Variants in LINGO2 observed in about 807,000 individuals in gnomAD.
LINGO2 encodes the protein leucine rich repeat and Ig domain containing 2.
A neutral mutation model predicts 30.6 loss-of-function variants in LINGO2; 14 were observed. The ratio of observed to expected loss-of-function variants is 0.46; its 90% CI spans 0.30 to 0.72. The LOEUF is 0.72. Ranked by LOEUF, LINGO2 falls within the 30% of genes least tolerant of loss-of-function variation. The pLI is 0.07. For synonymous variants in LINGO2, 317 were observed against 288.5 expected (o/e 1.10, Z -1.00); for missense variants, 729 against 751.7 (o/e 0.97, Z 0.35).
At chr9:28,224,128 C>A (rs1233191492) in intron 4 of LINGO2, among the ~76,000 whole-genome samples, 3 of 152,054 alleles carry the variant, frequency 2.0e-5, no homozygotes, top group African/African-American at 7.2e-5. Context: ...GCAGTGGTGC[C>A]ATCTCGGCTC....
At chr9:28,012,263 G>A (rs1822594433) in intron 5 of LINGO2, 2 of 152,152 alleles carry the variant, frequency 1.3e-5, no homozygotes, top group Admixed American at 1.3e-4. Context: ...CACATGGGGA[G>A]GATGTGAAGG....
chr9:28,955,511 G>A, the LINGO2 span, among the ~76,000 whole-genome samples: 1 of 152,100 alleles, frequency 6.6e-6, no homozygotes, highest in Non-Finnish European at 1.5e-5. Context: ...TGCAGTGGAA[G>A]AAGATAGACC....
chr9:29,146,383 A>C, the LINGO2 span, among the ~76,000 whole-genome samples: 2 of 151,800 alleles, frequency 1.3e-5, no homozygotes, highest in Non-Finnish European at 2.9e-5. Flanking sequence ...ACAAAAAAAA[A>C]CCAGCTAAGA....
intron 1 of LINGO2, among the ~76,000 whole-genome samples, chr9:28,569,026 T>C (rs1033577649): frequency 6.8e-6 from 1 of 147,166 alleles, no homozygotes; most frequent in African/African-American, 2.7e-5. Flanking sequence ...GCAACAAGTG[T>C]ATGAAAACAT....
chr9:28,737,381 T>C, the LINGO2 span, among the ~76,000 whole-genome samples: 1 of 152,316 alleles, frequency 6.6e-6, no homozygotes, highest in Admixed American at 6.5e-5. Context: ...CTTACTCAGA[T>C]TGCAGAAACA....
intron 3 of LINGO2, among the ~76,000 whole-genome samples, chr9:28,360,341 G>C (rs1264835793): frequency 1.3e-5 from 2 of 152,138 alleles, no homozygotes; most frequent in African/African-American, 4.8e-5. Context: ...TTGGGGATTA[G>C]AAGAGCATCT....
At chr9:29,032,759 A>G in the LINGO2 span, among the ~76,000 whole-genome samples, 4 of 152,306 alleles carry the variant, frequency 2.6e-5, no homozygotes, top group East Asian at 7.7e-4. Flanking sequence ...CAATTGTAAT[A>G]AAATAAAATA....
At chr9:28,769,273 C>A in the LINGO2 span, among the ~76,000 whole-genome samples, 100 of 150,854 alleles carry the variant, frequency 6.6e-4, 1 homozygote, top group East Asian at 6.4e-3. Flanking sequence ...AGGTATTCTG[C>A]ATATATAAAA....
the LINGO2 span, among the ~76,000 whole-genome samples, chr9:28,792,058 T>A: frequency 6.6e-6 from 1 of 150,910 alleles, no homozygotes; most frequent in Non-Finnish European, 1.5e-5. Context: ...AGTATATATA[T>A]ATATGTATGT....
intron 4 of LINGO2, among the ~76,000 whole-genome samples, chr9:28,074,541 A>G (rs764651451): frequency 1.3e-5 from 2 of 152,158 alleles, no homozygotes; most frequent in African/African-American, 4.8e-5. Flanking sequence ...GTTCCTCATT[A>G]GTGGAGAGGG....
At chr9:28,948,593 T>C in the LINGO2 span, among the ~76,000 whole-genome samples, 1 of 152,094 alleles carries the variant, frequency 6.6e-6, no homozygotes, top group Non-Finnish European at 1.5e-5. Flanking sequence ...CAAGAAATTA[T>C]ACTACAATCA....
chr9:28,464,622 G>A (rs1301212859), intron 2 of LINGO2, among the ~76,000 whole-genome samples: 1 of 152,152 alleles, frequency 6.6e-6, no homozygotes, highest in African/African-American at 2.4e-5. Flanking sequence ...AAATGAATAG[G>A]TCATAACTTC....
chr9:28,345,179 C>T (rs1300760117), intron 3 of LINGO2, among the ~76,000 whole-genome samples: 2 of 151,942 alleles, frequency 1.3e-5, no homozygotes, highest in Admixed American at 6.6e-5. Context: ...TTTGAGAAAC[C>T]ATGTAGCACC....
the LINGO2 span, among the ~76,000 whole-genome samples, chr9:28,770,236 A>T: frequency 1.3e-5 from 2 of 152,126 alleles, no homozygotes. Flanking sequence ...CACTTGTATC[A>T]GTTTGTGATT....
intron 2 of LINGO2, among the ~76,000 whole-genome samples, chr9:28,434,138 G>A (rs1823815607): frequency 6.6e-6 from 1 of 151,478 alleles, no homozygotes; most frequent in Non-Finnish European, 1.5e-5. Flanking sequence ...TTACAAGTGG[G>A]AGCTAAGCTA....
chr9:28,714,164 A>AATCTATATATATATATATATAT, the LINGO2 span, among the ~76,000 whole-genome samples: 64 of 117,158 alleles, frequency 5.5e-4, 2 homozygotes, highest in African/African-American at 1.7e-3. Context: ...TGCCTCAAAT[A>AATCTATATATATATATATATAT]ATATATATAT....
chr9:28,792,205 A>G, the LINGO2 span, among the ~76,000 whole-genome samples: 1 of 151,998 alleles, frequency 6.6e-6, no homozygotes, highest in South Asian at 2.1e-4. Flanking sequence ...TTCATGCTAC[A>G]ATAAGCAGGC....
chr9:28,512,669 A>AAATC, intron 1 of LINGO2, among the ~76,000 whole-genome samples: 1 of 126,960 alleles, frequency 7.9e-6, no homozygotes, highest in South Asian at 2.7e-4. Context: ...ACACATATGG[A>AAATC]TATCTATCTA....
At chr9:28,927,195 G>T in the LINGO2 span, among the ~76,000 whole-genome samples, 136,328 of 152,224 alleles carry the variant, frequency 0.9, 61,338 homozygotes, top group Non-Finnish European at 0.94. Context: ...GGACACATTT[G>T]AAAAATGATT....
Sources: gnomAD v4.1 joint callset for allele counts (sites outside exome capture counted in the v4.1 genomes callset) on GRCh38, gnomAD v4.1.1 for gene constraint, MANE v1.5 for transcripts, NCBI Gene and HGNC (gene_info 2026-07-23, HGNC 2026-07-21) for gene names.